Variants in PTPRD observed in about 807,000 individuals in gnomAD.
PTPRD encodes protein tyrosine phosphatase receptor type D.
PTPRD carries 34 observed loss-of-function variants against 214.5 expected under a neutral mutation model. That is an observed-to-expected ratio of 0.16 (90% CI 0.12 to 0.21). The LOEUF (loss-of-function observed/expected upper bound fraction) is 0.21, where lower values mean the gene tolerates loss of function less well. Ranked by LOEUF, PTPRD falls within the 10% of genes least tolerant of loss-of-function variation. PTPRD has a pLI of 1.00. For missense variants in PTPRD, 2,545 were observed against 2,398.7 expected (o/e 1.06, Z -1.27); for synonymous variants, 1,128 against 845.7 (o/e 1.33, Z -5.79).
intron 2 of PTPRD, among the ~76,000 whole-genome samples, chr9:10,566,191 C>G (rs1282015152): frequency 2.0e-5 from 3 of 151,836 alleles, no homozygotes; most frequent in Non-Finnish European, 4.4e-5. Context: ...AGCACTTGTG[C>G]CTTTCCAGGT....
chr9:9,483,250 A>T (rs1476156998), intron 8 of PTPRD, among the ~76,000 whole-genome samples: 1 of 152,134 alleles, frequency 6.6e-6, no homozygotes, highest in Non-Finnish European at 1.5e-5. Flanking sequence ...GTGCATTTTT[A>T]ATTATCTCAC....
intron 12 of PTPRD, among the ~76,000 whole-genome samples, chr9:8,647,055 A>C (rs1284957213): frequency 6.6e-6 from 1 of 152,218 alleles, no homozygotes; most frequent in African/African-American, 2.4e-5. Flanking sequence ...ACATAGTGAG[A>C]GACGAATAGA....
chr9:8,553,195 G>A (rs1292094745), intron 14 of PTPRD, among the ~76,000 whole-genome samples: 2 of 152,078 alleles, frequency 1.3e-5, no homozygotes. Context: ...AACTAAACTC[G>A]GATCCCAAAT....
intron 7 of PTPRD, among the ~76,000 whole-genome samples, chr9:9,720,117 C>T (rs2097910444): frequency 1.3e-5 from 2 of 152,136 alleles, no homozygotes; most frequent in South Asian, 4.1e-4. Context: ...AGCAGAGGTG[C>T]TGTTGACCCC....
intron 9 of PTPRD, among the ~76,000 whole-genome samples, chr9:9,390,459 A>G (rs2065415773): frequency 6.6e-6 from 1 of 152,204 alleles, no homozygotes; most frequent in Non-Finnish European, 1.5e-5. Flanking sequence ...TCTGTCTTGC[A>G]GTTCTCCAGG....
In PTPRD at chr9:9,328,618, C is replaced by CTTTTTTTTTTTTT. The variant is rs869076374; in HGVS notation, c.-203+68818_-203+68830dup. Among the ~76,000 whole-genome samples, 12 of 28,228 alleles carry CTTTTTTTTTTTTT rather than the reference C, an allele frequency of 4.3e-4. 2 individuals are homozygous for CTTTTTTTTTTTTT. The highest frequency in any genetic ancestry group is 1.0e-3 in the African/African-American group (8 of 7,924). 18.5% of individuals were successfully genotyped at this position (28,228 alleles called of 152,430 possible). A position where few individuals can be genotyped will look rare whatever the true frequency, so the allele number is the denominator to read the frequency against. ...ACATTTTCTTTTGTTGTTGTTCTTGCTTTTTTTTTTTTTTTTTTTTTTTTT... is the reference window on the plus strand; with the variant it reads ...ACATTTTCTTTTGTTGTTGTTCTTGCTTTTTTTTTTTTTTTTTTTTTTTTTTTTTTTTTTTTTT... On this transcript the variant is annotated intron_variant, in intron 9 of 45. Transcript: ENST00000381196.
rs1389760135 is a variant in PTPRD at position 9,087,889 on chromosome 9, T to TA, written c.-142-69155_-142-69154insT. Among the ~76,000 whole-genome samples, 1,242 of 134,788 alleles carry TA rather than the reference T, an allele frequency of 9.2e-3. 28 individuals are homozygous for TA. The highest frequency in any genetic ancestry group is 0.032 in the African/African-American group (1,168 of 36,046). The allele number at this position is 134,788 out of a possible 152,430, so 88.4% of individuals were successfully genotyped here. ...CAGAGCCCTAAACTCTTTTTTTTTTTTTTTTTTTTTTTTTTGAGACAGAGT... is the reference window on the plus strand; with the variant it reads ...CAGAGCCCTAAACTCTTTTTTTTTTTATTTTTTTTTTTTTTTGAGACAGAGT... On this transcript the variant is annotated intron_variant, in intron 10 of 45. Coordinates refer to ENST00000381196, the MANE Select transcript of PTPRD (RefSeq NM_002839.4).
intron 14 of PTPRD, among the ~76,000 whole-genome samples, chr9:8,588,848 C>T (rs550020078): frequency 8.5e-5 from 13 of 152,170 alleles, no homozygotes; most frequent in African/African-American, 2.4e-4. Flanking sequence ...GGCAACTTCC[C>T]TGTTTCAAAA....
At chr9:9,971,614 T>A (rs1318519207) in intron 4 of PTPRD, among the ~76,000 whole-genome samples, 1 of 152,184 alleles carries the variant, frequency 6.6e-6, no homozygotes, top group Non-Finnish European at 1.5e-5. Context: ...AATTCGAGAA[T>A]TTACTTTTTA....
In PTPRD at chr9:9,745,581, C is replaced by CA. The variant is rs541585644; in HGVS notation, c.-325-11011dup. Among the ~76,000 whole-genome samples, 79 of 151,616 alleles carry CA rather than the reference C, an allele frequency of 5.2e-4. 2 individuals are homozygous for CA. The South Asian group carries it at 0.013, about 26-fold the overall frequency. On this transcript the variant is annotated intron_variant, in intron 6 of 45. Coordinates refer to ENST00000381196, the MANE Select transcript of PTPRD (RefSeq NM_002839.4). ...TATCCATTTACATATTGCAATTCCT[C>CA]AAAAAAAAATTTAACTATTTCATTC...
intron 9 of PTPRD, among the ~76,000 whole-genome samples, chr9:9,239,717 G>T (rs1339825269): frequency 6.6e-6 from 1 of 152,154 alleles, no homozygotes; most frequent in Non-Finnish European, 1.5e-5. Context: ...CACCTGGGCT[G>T]CTAGCCAAAG....
chr9:10,106,088 T>A (rs56322487), intron 3 of PTPRD, among the ~76,000 whole-genome samples: 7,785 of 148,836 alleles, frequency 0.052, 267 homozygotes, highest in Admixed American at 0.099. Flanking sequence ...TTGTGCATAA[T>A]ATACCATGGC....
At chr9:8,844,953 C>A (rs2097657036) in intron 11 of PTPRD, among the ~76,000 whole-genome samples, 1 of 152,132 alleles carries the variant, frequency 6.6e-6, no homozygotes, top group African/African-American at 2.4e-5. Flanking sequence ...ATTACCGGCA[C>A]AAGTTTTCTA....
chr9:9,876,412 TTCACTTA>T (rs749544152), intron 5 of PTPRD, among the ~76,000 whole-genome samples: 2 of 152,096 alleles, frequency 1.3e-5, no homozygotes, highest in Non-Finnish European at 2.9e-5. Flanking sequence ...TCTGTGAAAT[TTCACTTA>T]TATTTAAACG....
At chr9:9,185,033 G>A (rs1400548872) in intron 9 of PTPRD, among the ~76,000 whole-genome samples, 6 of 151,972 alleles carry the variant, frequency 3.9e-5, no homozygotes, top group African/African-American at 1.4e-4. Context: ...CTCTATTTGT[G>A]GGTTTTAGGT....
At chr9:9,589,459 C>A (rs961932005) in intron 7 of PTPRD, among the ~76,000 whole-genome samples, 14 of 151,842 alleles carry the variant, frequency 9.2e-5, no homozygotes, top group African/African-American at 3.4e-4. Context: ...GCAATTAAGA[C>A]AGGTTGCTGG....
At chr9:9,892,168 A>G (rs1009134534) in intron 5 of PTPRD, among the ~76,000 whole-genome samples, 5 of 152,152 alleles carry the variant, frequency 3.3e-5, no homozygotes, top group African/African-American at 1.2e-4. Flanking sequence ...AGGTGCTGAT[A>G]AGTTCTATGA....
Position 10,564,162 on chromosome 9 carries a change from T to A in PTPRD, c.-600+48236A>T, listed in dbSNP as rs142716349. On this transcript the variant is annotated intron_variant, in intron 2 of 45. Transcript: ENST00000381196. ...TACTCGGGAGTGTGCACCACCACACTAGGCTATTCTTTTTTTTTTTTTTTT... is the reference window on the plus strand; with the variant it reads ...TACTCGGGAGTGTGCACCACCACACAAGGCTATTCTTTTTTTTTTTTTTTT... Among the ~76,000 whole-genome samples the A allele has an allele frequency of 1.8e-3, 226 of 128,580 alleles. 1 individual carries two copies. Among genetic ancestry groups the A allele is most frequent in the African/African-American group, 5.8e-3 (205 of 35,130 alleles). The allele number at this position is 128,580 out of a possible 152,430, so 84.4% of individuals were successfully genotyped here. A position where few individuals can be genotyped will look rare whatever the true frequency, so the allele number is the denominator to read the frequency against.
chr9:9,615,302 C>A (rs867979598), intron 7 of PTPRD, among the ~76,000 whole-genome samples: 9 of 152,262 alleles, frequency 5.9e-5, no homozygotes, highest in Middle Eastern at 3.4e-3. Context: ...GACTACCTTG[C>A]ACTTCACACC....
Sources: gnomAD v4.1 joint callset for allele counts (sites outside exome capture counted in the v4.1 genomes callset) on GRCh38, gnomAD v4.1.1 for gene constraint, MANE v1.5 for transcripts, NCBI Gene and HGNC (gene_info 2026-07-23, HGNC 2026-07-21) for gene names.